ATP8A1: variants seen among roughly 807,000 people sequenced by gnomAD.
The protein encoded by ATP8A1 is ATPase phospholipid transporting 8A1.
Under a neutral mutation model 177.7 loss-of-function variants are expected in ATP8A1, and 90 were observed. The observed-to-expected ratio is 0.51, with a 90% CI of 0.43 to 0.60. The LOEUF is 0.60. Among genes scored for constraint, ATP8A1 ranks in the 20% least tolerant of loss-of-function variants. ATP8A1 has a pLI of 0.00. For missense variants in ATP8A1, 1,072 were observed against 1,392.8 expected, an observed-to-expected ratio of 0.77 and a Z score of 3.67; for synonymous variants, 493 against 485.9, an observed-to-expected ratio of 1.01 and a Z score of -0.19.
intron 5 of ATP8A1, among the ~76,000 whole-genome samples, chr4:42,608,403 A>T (rs961571942): frequency 6.8e-6 from 1 of 146,944 alleles, no homozygotes; most frequent in African/African-American, 2.5e-5. Flanking sequence ...TTTGTCACCC[A>T]GGTTGGAGTG....
chr4:42,514,583 A>G (rs1416654160), intron 22 of ATP8A1, among the ~76,000 whole-genome samples: 1 of 152,204 alleles, frequency 6.6e-6, no homozygotes, highest in Non-Finnish European at 1.5e-5. Flanking sequence ...CAGGCTGATG[A>G]GCCCCACTTC....
intron 30 of ATP8A1, among the ~76,000 whole-genome samples, chr4:42,447,375 G>C (rs1045521796): frequency 1.4e-4 from 22 of 152,132 alleles, no homozygotes; most frequent in Admixed American, 9.2e-4. Flanking sequence ...TAGAGACGGG[G>C]TTTCACCATG....
intron 21 of ATP8A1, 115 bp from the exon 22 acceptor site, chr4:42,522,414 A>C (rs1726226495): frequency 8.3e-7 from 1 of 1,199,074 alleles, no homozygotes; most frequent in Non-Finnish European, 1.2e-6. Flanking sequence ...CATACAAACA[A>C]TATGATGAAG....
chr4:42,513,843 C>A (rs773870805), intron 22 of ATP8A1, among the ~76,000 whole-genome samples: 11 of 152,156 alleles, frequency 7.2e-5, no homozygotes, highest in Non-Finnish European at 1.3e-4. Flanking sequence ...AAGAAGCCTG[C>A]ATGACAAATT....
At position 42,656,819 on chromosome 4, in the gene ATP8A1, C is replaced by G; in HGVS notation, c.49+6G>C. On this transcript the variant is annotated splice_donor_region_variant and intron_variant, in intron 1 of 36. Transcript: ENST00000381668. ...GGGCTAGCCCCGAGCCTCGGCGGCC[C>G]CTTACCTTCGGCGCGCGAGCGGATC... 2 of 1,570,050 alleles carry G rather than the reference C, an allele frequency of 1.3e-6. No homozygotes were observed. Among genetic ancestry groups the G allele is most frequent in the Non-Finnish European group, 1.7e-6 (2 of 1,157,682 alleles).
At chr4:42,476,915 C>T (rs929662465) in intron 25 of ATP8A1, among the ~76,000 whole-genome samples, 5 of 152,146 alleles carry the variant, frequency 3.3e-5, no homozygotes, top group Non-Finnish European at 5.9e-5. Flanking sequence ...CCTTCTTCAG[C>T]GTACTACTTT....
chr4:42,499,602 G>A (rs769095870), intron 24 of ATP8A1, among the ~76,000 whole-genome samples: 2 of 152,214 alleles, frequency 1.3e-5, no homozygotes, highest in Non-Finnish European at 2.9e-5. Context: ...GAAATCCTGA[G>A]CTATCTCAAT....
chr4:42,443,555 C>T lies in ATP8A1; in HGVS notation c.3123+10G>A, dbSNP rs767369013. 18 of 1,038,382 alleles carry T rather than the reference C, an allele frequency of 1.7e-5. No individual in the cohort carries two copies. The highest frequency in any genetic ancestry group is 4.7e-5 in the East Asian group (2 of 42,244). 64.3% of individuals were successfully genotyped at this position (1,038,382 alleles called of 1,614,324 possible). On this transcript the variant is annotated intron_variant, in intron 33 of 36. Transcript: ENST00000381668. ...GTTTTGTTGGATTGTGAGTTATTAG[C>T]GCACATTACCTCTCCTGACATATCA... is the stretch of plus-strand genomic sequence containing the variant.
At chr4:42,543,215 C>T (rs756006751) in intron 20 of ATP8A1, among the ~76,000 whole-genome samples, 5 of 151,988 alleles carry the variant, frequency 3.3e-5, no homozygotes, top group African/African-American at 7.3e-5. Flanking sequence ...GTTCAATTTC[C>T]GAGTTTCTAT....
intron 33 of ATP8A1, among the ~76,000 whole-genome samples, chr4:42,424,370 G>A (rs933158335): frequency 6.6e-6 from 1 of 151,756 alleles, no homozygotes; most frequent in African/African-American, 2.4e-5. Context: ...AGATTACACA[G>A]AACTTAAAAG....
intron 6 of ATP8A1, 34 bp from the exon 7 acceptor site, chr4:42,590,918 C>CAA (rs3833615): frequency 0.041 from 45,167 of 1,107,376 alleles, 233 homozygotes; most frequent in Admixed American, 0.095. Context: ...TTAAAATGGC[C>CAA]AAAAAAAAAA....
At position 42,616,017 on chromosome 4, in the gene ATP8A1, C is replaced by T. The variant is rs1736876563; in HGVS notation, c.409+16G>A. ...AGGTTTGACAAATATGAGAAAAAAG[C>T]ATGTAAAATTCCTACCTTGCGTTTG... On this transcript the variant is annotated intron_variant, in intron 5 of 36. Coordinates refer to ENST00000381668, the MANE Select transcript of ATP8A1 (RefSeq NM_006095.2). The T allele has an allele frequency of 6.2e-7, 1 of 1,608,584 alleles. No homozygotes were observed. The highest frequency in any genetic ancestry group is 8.5e-7 in the Non-Finnish European group (1 of 1,176,904).
At chr4:42,430,752 AGTTT>A (rs1320452832) in intron 33 of ATP8A1, among the ~76,000 whole-genome samples, 1 of 152,070 alleles carries the variant, frequency 6.6e-6, no homozygotes, top group African/African-American at 2.4e-5. Context: ...TTCCTGCATT[AGTTT>A]GTTAGGAATA....
chr4:42,549,805 A>C (rs1729313511), intron 18 of ATP8A1, among the ~76,000 whole-genome samples: 1 of 152,200 alleles, frequency 6.6e-6, no homozygotes, highest in Non-Finnish European at 1.5e-5. Context: ...TCTCTAAAAA[A>C]AATAATTGGT....
chr4:42,636,148 A>ACGCGCGCGCGCGTG (rs767029159), intron 1 of ATP8A1, among the ~76,000 whole-genome samples: 6 of 31,824 alleles, frequency 1.9e-4, no homozygotes, highest in African/African-American at 4.2e-4. Context: ...ACACACACAC[A>ACGCGCGCGCGCGTG]CACACACACG....
chr4:42,652,766 CT>C (rs1175858659), intron 1 of ATP8A1, among the ~76,000 whole-genome samples: 1 of 152,204 alleles, frequency 6.6e-6, no homozygotes, highest in East Asian at 1.9e-4. Flanking sequence ...TGCACACGCT[CT>C]TTTGCCTTTG....
At chr4:42,498,745 G>C (rs1234661198) in intron 24 of ATP8A1, among the ~76,000 whole-genome samples, 1 of 151,976 alleles carries the variant, frequency 6.6e-6, no homozygotes, top group African/African-American at 2.4e-5. Flanking sequence ...TACTTAACAG[G>C]TATTGTTGTA....
At chr4:42,430,083 A>G (rs1000987514) in intron 33 of ATP8A1, among the ~76,000 whole-genome samples, 2 of 152,222 alleles carry the variant, frequency 1.3e-5, no homozygotes, top group East Asian at 1.9e-4. Flanking sequence ...GCTTAATGCC[A>G]TTGAATTTAC....
intron 20 of ATP8A1, among the ~76,000 whole-genome samples, chr4:42,537,727 G>A (rs1055707494): frequency 6.6e-6 from 1 of 152,126 alleles, no homozygotes; most frequent in African/African-American, 2.4e-5. Flanking sequence ...CCTCTACAAG[G>A]AAAACTACAA....
Sources: allele counts gnomAD v4.1 joint callset (sites outside exome capture counted in the v4.1 genomes callset), GRCh38; gene constraint gnomAD v4.1.1; transcripts MANE v1.5; gene names NCBI Gene and HGNC (gene_info 2026-07-23, HGNC 2026-07-21).